Variants in TRDN observed in about 807,000 individuals in gnomAD.
The protein encoded by TRDN is triadin.
A neutral mutation model predicts 149.7 loss-of-function variants in TRDN; 161 were observed. That is an observed-to-expected ratio of 1.08 (90% CI 0.95 to 1.23). The LOEUF (loss-of-function observed/expected upper bound fraction) is 1.23. Ranked by LOEUF, TRDN falls within the 50% of genes most tolerant of loss-of-function variation. TRDN has a pLI of 0.00. For synonymous variants in TRDN, 294 were observed against 250.5 expected (o/e 1.17, Z -1.64); for missense variants, 896 against 823.5 (o/e 1.09, Z -1.08).
At chr6:123,349,534 T>G (rs1390184220) in intron 21 of TRDN, 2 of 892,744 alleles carry the variant, frequency 2.2e-6, no homozygotes, top group Non-Finnish European at 2.7e-6. Flanking sequence ...AGTCAACATA[T>G]GCAAATAAGT....
chr6:123,266,753 G>GATA (rs1777017891), intron 32 of TRDN, among the ~76,000 whole-genome samples: 1 of 119,798 alleles, frequency 8.3e-6, no homozygotes, highest in Non-Finnish European at 1.6e-5. Context: ...ATTATAATAT[G>GATA]TATTATATAT....
chr6:123,495,108 G>A (rs1224493014), intron 9 of TRDN, among the ~76,000 whole-genome samples: 1 of 152,020 alleles, frequency 6.6e-6, no homozygotes, highest in African/African-American at 2.4e-5. Flanking sequence ...ATGTGATAGT[G>A]CCATCATAGC....
intron 5 of TRDN, among the ~76,000 whole-genome samples, chr6:123,529,786 T>C (rs897948638): frequency 6.2e-4 from 95 of 152,162 alleles, no homozygotes; most frequent in African/African-American, 2.2e-3. Flanking sequence ...TTCAAAATCA[T>C]GTGAAACTGA....
chr6:123,364,974 G>A (rs911743598), intron 20 of TRDN, among the ~76,000 whole-genome samples: 11 of 152,026 alleles, frequency 7.2e-5, no homozygotes, highest in African/African-American at 2.4e-4. Flanking sequence ...ATATGACACC[G>A]CATTAACAAT....
intron 22 of TRDN, among the ~76,000 whole-genome samples, chr6:123,337,127 A>G (rs1779901691): frequency 1.3e-5 from 2 of 152,066 alleles, no homozygotes; most frequent in Admixed American, 1.3e-4. Context: ...CAGGCAGAAT[A>G]TGCCTCAGAG....
At chr6:123,575,251 T>C (rs1193899051) in intron 1 of TRDN, among the ~76,000 whole-genome samples, 1 of 151,940 alleles carries the variant, frequency 6.6e-6, no homozygotes, top group Non-Finnish European at 1.5e-5. Context: ...TAAAGAAAAT[T>C]ATGTGTTGCC....
chr6:123,340,276 C>G lies in TRDN; in HGVS notation c.1370-2607G>C, dbSNP rs1327102891. ...GACACAAGCATAAACATTTTGAATC[C>G]AAACTACAAGTATTCATCTGTTTAA... On this transcript the variant is annotated intron_variant, in intron 21 of 40. Coordinates refer to ENST00000334268, the MANE Select transcript of TRDN (RefSeq NM_006073.4). 2.0e-5 allele frequency among the ~76,000 whole-genome samples: 3 copies of G among 152,018 alleles called. No homozygotes were observed. The South Asian group carries it at 6.2e-4, about 32-fold the overall frequency.
At chr6:123,272,666 C>A (rs935537737) in intron 29 of TRDN, among the ~76,000 whole-genome samples, 2 of 151,812 alleles carry the variant, frequency 1.3e-5, no homozygotes, top group Non-Finnish European at 2.9e-5. Context: ...TTGCCCAAAT[C>A]AGAATAAAAC....
intron 19 of TRDN, among the ~76,000 whole-genome samples, chr6:123,374,449 T>C (rs561982605): frequency 4.5e-4 from 68 of 152,252 alleles, no homozygotes; most frequent in African/African-American, 1.6e-3. Flanking sequence ...CTCCATAATA[T>C]AGAGTTCCAA....
intron 30 of TRDN, among the ~76,000 whole-genome samples, chr6:123,270,818 G>C (rs574582324): frequency 6.6e-6 from 1 of 151,870 alleles, no homozygotes; most frequent in African/African-American, 2.4e-5. Context: ...AGGAAATGTG[G>C]TTTAAAAATA....
intron 38 of TRDN, among the ~76,000 whole-genome samples, chr6:123,225,180 A>G (rs994210547): frequency 6.6e-6 from 1 of 151,730 alleles, no homozygotes; most frequent in Non-Finnish European, 1.5e-5. Context: ...AACCACAATG[A>G]GATATTACCT....
chr6:123,288,689 C>A (rs1191030954), intron 24 of TRDN, among the ~76,000 whole-genome samples: 1 of 152,032 alleles, frequency 6.6e-6, no homozygotes, highest in African/African-American at 2.4e-5. Context: ...TAACACCTCA[C>A]ACCTGTCTGA....
At chr6:123,267,846 G>A (rs997662082) in intron 31 of TRDN, 95 bp from the exon 32 acceptor site, 3 of 887,754 alleles carry the variant, frequency 3.4e-6, no homozygotes, top group Non-Finnish European at 5.0e-6. Context: ...GTTTACCCAA[G>A]AGGCATGCCC....
chr6:123,222,568 G>A (rs529587399), intron 39 of TRDN, among the ~76,000 whole-genome samples: 12 of 151,584 alleles, frequency 7.9e-5, no homozygotes, highest in Admixed American at 2.0e-4. Flanking sequence ...ATTTGATAAG[G>A]TCCTGACCTG....
intron 8 of TRDN, among the ~76,000 whole-genome samples, 176 bp from the exon 9 acceptor site, chr6:123,497,428 G>A (rs1266700151): frequency 2.0e-5 from 3 of 152,122 alleles, no homozygotes; most frequent in East Asian, 1.9e-4. Context: ...AAAGAAAGAC[G>A]ACAAATATAA....
chr6:123,618,541 A>G (rs1462366521), intron 1 of TRDN, among the ~76,000 whole-genome samples: 1 of 152,160 alleles, frequency 6.6e-6, no homozygotes, highest in East Asian at 1.9e-4. Flanking sequence ...GTAAGGTAAC[A>G]TATTTACAGA....
chr6:123,437,376 TAC>T (rs1396098709), intron 12 of TRDN: 1 of 304,278 alleles, frequency 3.3e-6, no homozygotes, highest in Non-Finnish European at 6.2e-6. Flanking sequence ...TTTATTGAGA[TAC>T]AGATTTTTTT....
chr6:123,280,215 G>A (rs1054425667), intron 24 of TRDN, among the ~76,000 whole-genome samples: 2 of 152,052 alleles, frequency 1.3e-5, no homozygotes, highest in African/African-American at 4.8e-5. Context: ...GAAGAGGAAG[G>A]GAGTTCTGGA....
intron 38 of TRDN, among the ~76,000 whole-genome samples, chr6:123,233,154 G>A (rs766408108): frequency 1.1e-4 from 16 of 151,998 alleles, no homozygotes; most frequent in Admixed American, 2.0e-4. Flanking sequence ...GTGTGTAACC[G>A]GTTTAACAGA....
Sources: gnomAD v4.1 joint callset for allele counts (sites outside exome capture counted in the v4.1 genomes callset) on GRCh38, gnomAD v4.1.1 for gene constraint, MANE v1.5 for transcripts, NCBI Gene and HGNC (gene_info 2026-07-23, HGNC 2026-07-21) for gene names.